The following AUTS2 variants were observed in gnomAD, a reference collection of about 807,000 sequenced individuals.
AUTS2 encodes the protein autism susceptibility gene 2 protein.
Under a neutral mutation model 112.4 loss-of-function variants are expected in AUTS2, and 17 were observed. The ratio of observed to expected loss-of-function variants is 0.15; its 90% CI spans 0.10 to 0.23. The LOEUF (loss-of-function observed/expected upper bound fraction) is 0.23. Ranked by LOEUF, AUTS2 falls within the 10% of genes least tolerant of loss-of-function variation. The probability of loss-of-function intolerance (pLI) is 1.00; values close to 1 mark genes in which losing one functional copy is unlikely to be tolerated. For missense variants in AUTS2, 1,510 were observed against 1,701.6 expected (o/e 0.89, Z 1.98); for synonymous variants, 751 against 702.7 (o/e 1.07, Z -1.09).
intron 5 of AUTS2, among the ~76,000 whole-genome samples, chr7:70,491,046 C>T (rs776822458): frequency 1.1e-4 from 17 of 152,078 alleles, no homozygotes; most frequent in African/African-American, 1.7e-4. Flanking sequence ...GTCACAGGAC[C>T]GGCACCTGTC....
chr7:70,626,875 A>G (rs908466116), intron 5 of AUTS2, among the ~76,000 whole-genome samples: 8 of 152,334 alleles, frequency 5.3e-5, no homozygotes, highest in Admixed American at 3.9e-4. Context: ...ATAGTATTCC[A>G]TCGTGTATAT....
At chr7:69,683,613 G>A (rs546443322) in intron 1 of AUTS2, among the ~76,000 whole-genome samples, 2 of 151,876 alleles carry the variant, frequency 1.3e-5, no homozygotes, top group South Asian at 4.2e-4. Context: ...ACCAAAAAAC[G>A]AGACTGGGCG....
chr7:69,865,325 G>A (rs1018534006), intron 1 of AUTS2, among the ~76,000 whole-genome samples: 5 of 152,028 alleles, frequency 3.3e-5, no homozygotes, highest in East Asian at 1.9e-4. Context: ...GTTTATTTCC[G>A]AATGGTGCCC....
chr7:70,581,089 A>T (rs1487451743), intron 5 of AUTS2, among the ~76,000 whole-genome samples: 5 of 152,124 alleles, frequency 3.3e-5, no homozygotes, highest in Admixed American at 2.6e-4. Flanking sequence ...TTCAAAAAAA[A>T]TTTTAAAATA....
chr7:70,790,921 A>C lies in AUTS2; in HGVS notation c.3705A>C (p.Arg1235Ser), dbSNP rs1221405020. Residue 1235 changes from arginine (R) to serine (S), a missense_variant, in exon 19 of 19, where the codon AGA becomes AGC. Arg to Ser is a moderately radical substitution (Grantham distance 110). This residue lies in a region of AUTS2 where 788 missense variants were observed against 797.6 expected (regional missense o/e 0.99). Coordinates refer to ENST00000342771, the MANE Select transcript of AUTS2 (RefSeq NM_015570.4). The surrounding 1 kb of genome is among the most constrained non-coding windows in gnomAD (Gnocchi z 7.6). Reference protein sequence around the residue: ...STLGGRPVSPRRTTPLSAEIR... With the variant: ...STLGGRPVSPSRTTPLSAEIR... The stretch of plus-strand genomic sequence containing the variant: ...TGGGGGGCCGCCCGGTCTCTCCCAG[A>C]AGGACGACTCCTCTGTCCGCAGAGA... 1 of 1,569,314 alleles carries C rather than the reference A, an allele frequency of 6.4e-7. No homozygotes were observed. The highest frequency in any genetic ancestry group is 8.6e-7 in the Non-Finnish European group (1 of 1,158,716).
At chr7:70,648,779 C>T (rs1375307998) in intron 5 of AUTS2, among the ~76,000 whole-genome samples, 3 of 152,014 alleles carry the variant, frequency 2.0e-5, no homozygotes, top group East Asian at 1.9e-4. Flanking sequence ...AGAGACAGGG[C>T]TTCACCATGT....
At chr7:70,197,301 T>C (rs559336252) in intron 4 of AUTS2, among the ~76,000 whole-genome samples, 1 of 152,154 alleles carries the variant, frequency 6.6e-6, no homozygotes, top group African/African-American at 2.4e-5. Context: ...TTTGTACTTC[T>C]AAAGACACTG....
At chr7:70,029,352 G>A (rs935807163) in intron 2 of AUTS2, among the ~76,000 whole-genome samples, 3 of 150,264 alleles carry the variant, frequency 2.0e-5, no homozygotes, top group Admixed American at 6.7e-5. Flanking sequence ...ATTTTTAAGG[G>A]TACCTATCAC....
intron 4 of AUTS2, among the ~76,000 whole-genome samples, chr7:70,251,970 GATAAATTTC>G (rs1786623959): frequency 6.6e-6 from 1 of 151,816 alleles, no homozygotes; most frequent in South Asian, 2.1e-4. Flanking sequence ...ACCATTTAAA[GATAAATTTC>G]ATACATTATG....
intron 5 of AUTS2, among the ~76,000 whole-genome samples, chr7:70,543,455 G>A (rs957439646): frequency 3.9e-5 from 6 of 151,916 alleles, no homozygotes; most frequent in Non-Finnish European, 5.9e-5. Context: ...CTTGAACCCG[G>A]GAGGCAGAGG....
chr7:69,624,496 T>C (rs1168091082), intron 1 of AUTS2, among the ~76,000 whole-genome samples: 1 of 152,240 alleles, frequency 6.6e-6, no homozygotes, highest in Non-Finnish European at 1.5e-5. Flanking sequence ...CTGTATTAAA[T>C]AGCAAGCTTG....
At chr7:69,841,815 CA>C in intron 1 of AUTS2, among the ~76,000 whole-genome samples, 1 of 152,238 alleles carries the variant, frequency 6.6e-6, no homozygotes, top group East Asian at 1.9e-4. Context: ...GACTGGCTAT[CA>C]GATAACATTA....
chr7:69,754,466 G>A (rs988321863), intron 1 of AUTS2, among the ~76,000 whole-genome samples: 1 of 152,254 alleles, frequency 6.6e-6, no homozygotes, highest in Middle Eastern at 3.4e-3. Flanking sequence ...TTTGTTGCAG[G>A]CTGTTAAGTA....
intron 5 of AUTS2, among the ~76,000 whole-genome samples, chr7:70,628,116 G>A (rs1292313067): frequency 6.6e-6 from 1 of 152,130 alleles, no homozygotes; most frequent in African/African-American, 2.4e-5. Flanking sequence ...CAGGGCACAA[G>A]TGTGGCAAAG....
intron 4 of AUTS2, among the ~76,000 whole-genome samples, chr7:70,158,124 A>G (rs1255704814): frequency 6.6e-6 from 1 of 152,066 alleles, no homozygotes; most frequent in Non-Finnish European, 1.5e-5. Context: ...GGACCTGGAG[A>G]TGTTGTTGGA....
At chr7:70,053,510 A>G (rs1801846021) in intron 2 of AUTS2, among the ~76,000 whole-genome samples, 1 of 147,450 alleles carries the variant, frequency 6.8e-6, no homozygotes, top group African/African-American at 2.5e-5. Context: ...GTAGCTACAA[A>G]TGTCTTCCAT....
intron 1 of AUTS2, chr7:69,663,328 T>C (rs1165447893): frequency 6.6e-6 from 1 of 152,174 alleles, no homozygotes; most frequent in African/African-American, 2.4e-5. Flanking sequence ...GAGAATTTTT[T>C]TTTTTGGCCT....
intron 2 of AUTS2, among the ~76,000 whole-genome samples, chr7:70,067,283 T>C (rs1178850355): frequency 1.3e-5 from 2 of 152,174 alleles, no homozygotes; most frequent in Admixed American, 6.5e-5. Context: ...GGAATGATGA[T>C]AGAAATTAAA....
intron 5 of AUTS2, among the ~76,000 whole-genome samples, chr7:70,563,177 A>G (rs575888458): frequency 2.0e-5 from 3 of 152,344 alleles, no homozygotes; most frequent in South Asian, 4.1e-4. Flanking sequence ...AGGCAGTGGT[A>G]GGATTTTATC....
Sources: allele counts gnomAD v4.1 joint callset (sites outside exome capture counted in the v4.1 genomes callset), GRCh38; gene constraint gnomAD v4.1.1; regional missense constraint gnomAD v4.1.1; non-coding constraint Gnocchi (gnomAD v3.1); transcripts MANE v1.5; gene names NCBI Gene and HGNC (gene_info 2026-07-23, HGNC 2026-07-21).